Variants in TEAD1 observed in about 807,000 individuals in gnomAD.
TEAD1 encodes TEA domain transcription factor 1.
A neutral mutation model predicts 54.9 loss-of-function variants in TEAD1; 9 were observed. That is an observed-to-expected ratio of 0.16 (90% CI 0.10 to 0.29). TEAD1 has a LOEUF of 0.29. TEAD1 is among the 10% of genes least tolerant of loss of function. TEAD1 has a pLI of 1.00. For missense variants in TEAD1, 387 were observed against 535.9 expected, an observed-to-expected ratio of 0.72 and a Z score of 2.74; for synonymous variants, 200 against 187.8, an observed-to-expected ratio of 1.07 and a Z score of -0.53.
chr11:12,792,759 A>G (rs979188747), intron 3 of TEAD1, among the ~76,000 whole-genome samples: 4 of 152,238 alleles, frequency 2.6e-5, no homozygotes, highest in African/African-American at 9.6e-5. Context: ...CCAGGTCCCA[A>G]AATGTTACAA....
chr11:12,919,898 C>G (rs1376851502), intron 10 of TEAD1, among the ~76,000 whole-genome samples: 1 of 152,170 alleles, frequency 6.6e-6, no homozygotes, highest in Non-Finnish European at 1.5e-5. Context: ...TATATTACTT[C>G]TCCTTCAGTA....
At chr11:12,736,597 A>G (rs1944537608) in intron 2 of TEAD1, among the ~76,000 whole-genome samples, 1 of 152,216 alleles carries the variant, frequency 6.6e-6, no homozygotes, top group South Asian at 2.1e-4. Context: ...AGTTGCAGGC[A>G]TAATCCTTAA....
intron 3 of TEAD1, among the ~76,000 whole-genome samples, chr11:12,829,337 C>A (rs991854177): frequency 1.3e-5 from 2 of 152,208 alleles, no homozygotes; most frequent in African/African-American, 4.8e-5. Context: ...GTCTCCCTCC[C>A]TCTGTGTAAG....
At chr11:12,827,768 T>C (rs921839890) in intron 3 of TEAD1, among the ~76,000 whole-genome samples, 1 of 152,186 alleles carries the variant, frequency 6.6e-6, no homozygotes, top group Non-Finnish European at 1.5e-5. Flanking sequence ...ACTGGTGATA[T>C]GGGAGAAGGA....
chr11:12,918,919 C>A (rs1355330245), intron 10 of TEAD1, among the ~76,000 whole-genome samples: 1 of 152,106 alleles, frequency 6.6e-6, no homozygotes, highest in South Asian at 2.1e-4. Flanking sequence ...AGTTCAGAAA[C>A]CAGACAAAAC....
intron 9 of TEAD1, among the ~76,000 whole-genome samples, chr11:12,895,396 T>C (rs924669287): frequency 2.0e-5 from 3 of 152,222 alleles, no homozygotes; most frequent in African/African-American, 7.2e-5. Flanking sequence ...CGTGGCATCC[T>C]TGATCCAGGT....
At chr11:12,682,498 C>T (rs1333820512) in intron 2 of TEAD1, among the ~76,000 whole-genome samples, 4 of 152,180 alleles carry the variant, frequency 2.6e-5, no homozygotes, top group Non-Finnish European at 2.9e-5. Flanking sequence ...TCCTAGAGGT[C>T]GTTGGGTGGT....
At chr11:12,878,523 A>G (rs1320700997) in intron 5 of TEAD1, among the ~76,000 whole-genome samples, 4 of 152,170 alleles carry the variant, frequency 2.6e-5, no homozygotes, top group African/African-American at 4.8e-5. Flanking sequence ...TTATATGCCT[A>G]CGAGGCTCAA....
rs1410377162 is a variant in TEAD1 at position 12,895,959 on chromosome 11, CT to C, written c.700-5980del. ...CCCCTCCGTCTTCCTTTCAGTCCCC[CT>C]ATGTGCTTTTCTCTAAATTTAGTAT... is the stretch of plus-strand genomic sequence containing the variant. On this transcript the variant is annotated intron_variant, in intron 9 of 12. Coordinates refer to ENST00000527636, the MANE Select transcript of TEAD1 (RefSeq NM_021961.6). Among the ~76,000 whole-genome samples, 181 of 145,242 alleles carry C rather than the reference CT, an allele frequency of 1.2e-3. 1 individual carries two copies. The highest frequency in any genetic ancestry group is 1.4e-3 in the Non-Finnish European group (90 of 66,116).
intron 3 of TEAD1, among the ~76,000 whole-genome samples, chr11:12,768,026 C>T (rs1477296344): frequency 6.6e-6 from 1 of 152,160 alleles, no homozygotes; most frequent in Non-Finnish European, 1.5e-5. Flanking sequence ...TAGCAAACCA[C>T]GGGAACACCT....
Position 12,857,930 on chromosome 11 carries a change from A to G in TEAD1, c.203-4320A>G, listed in dbSNP as rs559278228. ...TGAAATCCTGTCTTTACAAAAAAAT[A>G]CAAAAGTTGGTCTGGTATGGTGGAG... On this transcript the variant is annotated intron_variant, in intron 3 of 12. Coordinates refer to ENST00000527636, the MANE Select transcript of TEAD1 (RefSeq NM_021961.6). 1.1e-4 allele frequency among the ~76,000 whole-genome samples: 16 copies of G among 152,204 alleles called. No individual in the cohort carries two copies. The East Asian group carries it at 2.9e-3, about 27-fold the overall frequency.
At chr11:12,812,235 G>C (rs1946317851) in intron 3 of TEAD1, among the ~76,000 whole-genome samples, 1 of 152,096 alleles carries the variant, frequency 6.6e-6, no homozygotes, top group African/African-American at 2.4e-5. Flanking sequence ...TGACCCTCTT[G>C]CCACCACTTA....
Position 12,937,172 on chromosome 11 carries a change from A to G in TEAD1, c.1231A>G (p.Asn411Asp), listed in dbSNP as rs1949117087. 6.2e-7 allele frequency: 1 copy of G among 1,614,000 alleles called. No individual in the cohort carries two copies. Among genetic ancestry groups the G allele is most frequent in the Non-Finnish European group, 8.5e-7 (1 of 1,179,998 alleles). ...CATGGCCTGTGTGTTTGAAGTTTCA[A>G]ATAGTGAACACGGAGCACAACATCA... The change falls in exon 13 of 13, where the codon AAT becomes GAT. Residue 411 changes from asparagine (N) to aspartate (D), a missense_variant. By Grantham distance (23) the Asn-to-Asp change is conservative. Transcript: ENST00000527636.
chr11:12,674,447 C>A lies in TEAD1; in HGVS notation c.-595C>A, dbSNP rs1461262773. The A allele has an allele frequency of 6.6e-6, 1 of 151,056 alleles. No homozygotes were observed. Among genetic ancestry groups the A allele is most frequent in the African/African-American group, 2.4e-5 (1 of 41,082 alleles). The allele number at this position is 151,056 out of a possible 1,614,324, so 9.4% of individuals were successfully genotyped here. ...TTCCGAACATTCTTAGCATCGCTCG[C>A]GCCGCGCCGCGCCGCCTGAGCCGAG... On this transcript the variant is annotated 5_prime_UTR_variant, in exon 1 of 13. Transcript: ENST00000527636.
At chr11:12,826,977 A>G (rs1489298457) in intron 3 of TEAD1, among the ~76,000 whole-genome samples, 1 of 152,226 alleles carries the variant, frequency 6.6e-6, no homozygotes. Context: ...TTGAATTCAT[A>G]GAGTAACTCA....
intron 5 of TEAD1, among the ~76,000 whole-genome samples, chr11:12,866,994 C>T (rs1947632447): frequency 6.6e-6 from 1 of 152,034 alleles, no homozygotes; most frequent in Non-Finnish European, 1.5e-5. Flanking sequence ...TTAAGTTTGG[C>T]AATTGAAAGA....
At chr11:12,817,825 G>T (rs1769334129) in intron 3 of TEAD1, among the ~76,000 whole-genome samples, 1 of 152,170 alleles carries the variant, frequency 6.6e-6, no homozygotes, top group South Asian at 2.1e-4. Context: ...GCGCAACAGG[G>T]CCATTGAAAC....
In TEAD1 at chr11:12,818,739, C is replaced by T. The variant is rs114206409; in HGVS notation, c.203-43511C>T. ...TGAACCACAGTAGTGTGAAATTGTCCGCAGGTACTTACAAGCTGGGGTGTG... is the reference window on the plus strand; with the variant it reads ...TGAACCACAGTAGTGTGAAATTGTCTGCAGGTACTTACAAGCTGGGGTGTG... On this transcript the variant is annotated intron_variant, in intron 3 of 12. Coordinates refer to ENST00000527636, the MANE Select transcript of TEAD1 (RefSeq NM_021961.6). 1.4e-3 allele frequency among the ~76,000 whole-genome samples: 212 copies of T among 152,254 alleles called. 1 individual carries two copies. Among genetic ancestry groups the T allele is most frequent in the African/African-American group, 4.5e-3 (188 of 41,534 alleles).
Position 12,727,692 on chromosome 11 carries a change from A to G in TEAD1, c.-54-36487A>G, listed in dbSNP as rs1486540923. On this transcript the variant is annotated intron_variant, in intron 2 of 12. Coordinates refer to ENST00000527636, the MANE Select transcript of TEAD1 (RefSeq NM_021961.6). ...AAAATAGAAGGTCGAAGTGTGGGAAATGCATTCAGCACAGAATGAATTACA... is the reference window on the plus strand; with the variant it reads ...AAAATAGAAGGTCGAAGTGTGGGAAGTGCATTCAGCACAGAATGAATTACA... Among the ~76,000 whole-genome samples, 3 of 152,190 alleles carry G rather than the reference A, an allele frequency of 2.0e-5. No individual in the cohort carries two copies. The East Asian group carries it at 5.8e-4, about 29-fold the overall frequency.
Sources: gnomAD v4.1 joint callset for allele counts (sites outside exome capture counted in the v4.1 genomes callset) on GRCh38, gnomAD v4.1.1 for gene constraint, MANE v1.5 for transcripts, NCBI Gene and HGNC (gene_info 2026-07-23, HGNC 2026-07-21) for gene names.